Variants in LARS2 observed in about 807,000 individuals in gnomAD.
The protein encoded by LARS2 is leucine--tRNA ligase, mitochondrial.
A neutral mutation model predicts 116.6 loss-of-function variants in LARS2; 81 were observed. The ratio of observed to expected loss-of-function variants is 0.69; its 90% CI spans 0.58 to 0.84. LARS2 has a LOEUF of 0.84. Among genes scored for constraint, LARS2 ranks in the 40% least tolerant of loss-of-function variants. LARS2 has a pLI of 0.00. For synonymous variants in LARS2, 396 were observed against 407.2 expected, an observed-to-expected ratio of 0.97 and a Z score of 0.33; for missense variants, 968 against 1,114.5, an observed-to-expected ratio of 0.87 and a Z score of 1.87.
At chr3:45,429,707 T>C (rs1698659233) in intron 6 of LARS2, among the ~76,000 whole-genome samples, 1 of 148,400 alleles carries the variant, frequency 6.7e-6, no homozygotes, top group African/African-American at 2.5e-5. Flanking sequence ...GCTTTTTTTT[T>C]TTTTTTTTTT....
chr3:45,481,708 T>G (rs1699706173), intron 10 of LARS2, among the ~76,000 whole-genome samples: 1 of 152,182 alleles, frequency 6.6e-6, no homozygotes, highest in African/African-American at 2.4e-5. Flanking sequence ...TTAATTTTAG[T>G]TTGTCTTTTT....
intron 10 of LARS2, among the ~76,000 whole-genome samples, chr3:45,484,603 C>CAA (rs1156814528): frequency 0.018 from 267 of 14,726 alleles, 72 homozygotes; most frequent in African/African-American, 0.046. Context: ...CCTGTCTCTA[C>CAA]AAAAAAAAAA....
At chr3:45,492,360 C>T (rs1699935480) in intron 13 of LARS2, among the ~76,000 whole-genome samples, 1 of 152,214 alleles carries the variant, frequency 6.6e-6, no homozygotes, top group African/African-American at 2.4e-5. Flanking sequence ...TGGCATGTCT[C>T]AAGCATGATT....
chr3:45,529,260 A>G (rs934921406), intron 20 of LARS2, among the ~76,000 whole-genome samples: 3 of 152,028 alleles, frequency 2.0e-5, no homozygotes, highest in Non-Finnish European at 4.4e-5. Flanking sequence ...ATAGTTATAC[A>G]TTATTTTTTT....
chr3:45,408,114 T>A (rs1272697088), intron 4 of LARS2, among the ~76,000 whole-genome samples: 3 of 152,260 alleles, frequency 2.0e-5, no homozygotes, highest in African/African-American at 7.2e-5. Flanking sequence ...TTCCAGGTTA[T>A]ATGCCTTTAG....
intron 6 of LARS2, among the ~76,000 whole-genome samples, chr3:45,425,316 A>G (rs908023077): frequency 2.6e-5 from 4 of 152,168 alleles, no homozygotes; most frequent in Non-Finnish European, 4.4e-5. Flanking sequence ...TAGTGTATCA[A>G]TTTGGAGCTT....
At chr3:45,396,851 A>G (rs1472836473) in intron 3 of LARS2, among the ~76,000 whole-genome samples, 1 of 152,270 alleles carries the variant, frequency 6.6e-6, no homozygotes, top group Admixed American at 6.5e-5. Flanking sequence ...TCCTGAGCTC[A>G]TGCTTTTCCA....
chr3:45,499,306 G>T (rs1700077153), intron 14 of LARS2, among the ~76,000 whole-genome samples: 1 of 152,174 alleles, frequency 6.6e-6, no homozygotes, highest in Non-Finnish European at 1.5e-5. Flanking sequence ...GCCTGGTGTG[G>T]TGTCAGGCAT....
intron 8 of LARS2, among the ~76,000 whole-genome samples, chr3:45,461,007 TGAAAA>T (rs974301843): frequency 2.0e-5 from 3 of 151,858 alleles, no homozygotes; most frequent in African/African-American, 4.8e-5. Context: ...TTACTAGACT[TGAAAA>T]GAAGCAGGAA....
At chr3:45,526,121 G>T (rs1700527780) in intron 20 of LARS2, among the ~76,000 whole-genome samples, 1 of 152,112 alleles carries the variant, frequency 6.6e-6, no homozygotes, top group Non-Finnish European at 1.5e-5. Context: ...GATCTACAGG[G>T]GAGACAGTTT....
intron 6 of LARS2, among the ~76,000 whole-genome samples, chr3:45,441,021 CTCTT>C (rs1332219814): frequency 2.5e-5 from 3 of 121,010 alleles, no homozygotes; most frequent in African/African-American, 5.5e-5. Context: ...CCATCACACA[CTCTT>C]TTTTTTTTTT....
intron 11 of LARS2, among the ~76,000 whole-genome samples, chr3:45,486,463 C>T (rs1699815531): frequency 6.6e-6 from 1 of 152,206 alleles, no homozygotes; most frequent in African/African-American, 2.4e-5. Flanking sequence ...AAATCTGCCT[C>T]CTTTAGGACA....
intron 20 of LARS2, among the ~76,000 whole-genome samples, chr3:45,539,853 AAAG>A (rs1386608219): frequency 6.6e-6 from 1 of 151,704 alleles, no homozygotes; most frequent in Non-Finnish European, 1.5e-5. Flanking sequence ...ACATGGGAAA[AAAG>A]AACATACAAA....
chr3:45,498,229 T>G (rs1457019437), intron 14 of LARS2, among the ~76,000 whole-genome samples: 1 of 152,210 alleles, frequency 6.6e-6, no homozygotes, highest in Middle Eastern at 3.2e-3. Flanking sequence ...AGCCCCCAGT[T>G]TGTGAACAGC....
chr3:45,397,015 A>G (rs1296774308), intron 3 of LARS2, among the ~76,000 whole-genome samples: 1 of 152,210 alleles, frequency 6.6e-6, no homozygotes, highest in African/African-American at 2.4e-5. Flanking sequence ...TTACTCTGTC[A>G]CCCTCTAGGC....
chr3:45,495,180 G>C (rs1699990493), intron 13 of LARS2: 1 of 152,208 alleles, frequency 6.6e-6, no homozygotes, highest in African/African-American at 2.4e-5. Flanking sequence ...CACATATCAA[G>C]GATCTCACTT....
intron 20 of LARS2, among the ~76,000 whole-genome samples, chr3:45,540,372 TAAAAC>T (rs563416816): frequency 6.6e-6 from 1 of 152,348 alleles, no homozygotes; most frequent in East Asian, 1.9e-4. Context: ...TCAAGGAAGA[TAAAAC>T]AAAAAGTTGT....
At chr3:45,422,907 C>T (rs1698538126) in intron 6 of LARS2, among the ~76,000 whole-genome samples, 1 of 152,070 alleles carries the variant, frequency 6.6e-6, no homozygotes, top group South Asian at 2.1e-4. Context: ...AATTTGGAGT[C>T]TTTGTGTTTA....
intron 4 of LARS2, among the ~76,000 whole-genome samples, chr3:45,401,608 C>G (rs1179062798): frequency 1.3e-5 from 2 of 151,996 alleles, no homozygotes; most frequent in Admixed American, 1.3e-4. Context: ...TCCTCTTTAC[C>G]CCCCGCCTGC....
Sources: gnomAD v4.1 joint callset for allele counts (sites outside exome capture counted in the v4.1 genomes callset) on GRCh38, gnomAD v4.1.1 for gene constraint, MANE v1.5 for transcripts, NCBI Gene and HGNC (gene_info 2026-07-23, HGNC 2026-07-21) for gene names.